Variants in SYT1 observed in about 807,000 individuals in gnomAD.
SYT1 encodes synaptotagmin-1.
A neutral mutation model predicts 44.8 loss-of-function variants in SYT1; 8 were observed. The ratio of observed to expected loss-of-function variants is 0.18; its 90% confidence interval spans 0.10 to 0.32. SYT1 has a LOEUF of 0.32. SYT1 is among the 10% of genes least tolerant of loss of function. The probability of loss-of-function intolerance (pLI) is 1.00; values close to 1 mark genes in which losing one functional copy is unlikely to be tolerated. For missense variants in SYT1, 286 were observed against 509.3 expected (o/e 0.56, Z 4.22); for synonymous variants, 154 against 188.8 (o/e 0.82, Z 1.51).
intron 3 of SYT1, among the ~76,000 whole-genome samples, chr12:79,142,338 T>A (rs184839019): frequency 2.0e-5 from 3 of 152,366 alleles, no homozygotes; most frequent in African/African-American, 7.2e-5. Flanking sequence ...GCTACAACTT[T>A]GCTACAACTT....
intron 2 of SYT1, among the ~76,000 whole-genome samples, chr12:78,997,591 T>C (rs1231580802): frequency 6.6e-6 from 1 of 152,162 alleles, no homozygotes; most frequent in East Asian, 1.9e-4. Context: ...ACTGAGGGTA[T>C]CTTCTGCCCT....
intron 9 of SYT1, among the ~76,000 whole-genome samples, chr12:79,440,823 A>G (rs1870366285): frequency 6.6e-6 from 1 of 152,188 alleles, no homozygotes; most frequent in Admixed American, 6.5e-5. Context: ...ACTCATAGGC[A>G]GGTGTATTTC....
At chr12:79,149,929 C>T (rs1429118292) in intron 3 of SYT1, among the ~76,000 whole-genome samples, 1 of 152,116 alleles carries the variant, frequency 6.6e-6, no homozygotes, top group Non-Finnish European at 1.5e-5. Context: ...TACATACTCA[C>T]TGAAGAAATA....
intron 3 of SYT1, among the ~76,000 whole-genome samples, chr12:79,115,084 T>C (rs1394752605): frequency 6.6e-6 from 1 of 152,180 alleles, no homozygotes; most frequent in African/African-American, 2.4e-5. Flanking sequence ...CCTCATAAAA[T>C]AGTAAATTAT....
chr12:79,217,902 A>T (rs1874913682), intron 4 of SYT1, among the ~76,000 whole-genome samples: 1 of 14,136 alleles, frequency 7.1e-5, no homozygotes, highest in African/African-American at 5.1e-4. Flanking sequence ...CAGTTTACAA[A>T]AAAAAAAAAG....
chr12:79,266,580 G>T (rs930348822), intron 4 of SYT1, among the ~76,000 whole-genome samples: 1 of 152,118 alleles, frequency 6.6e-6, no homozygotes, highest in Admixed American at 6.6e-5. Flanking sequence ...TGAAGAAAAA[G>T]TAACTGTGTA....
chr12:78,994,019 G>A (rs907545850), intron 2 of SYT1, among the ~76,000 whole-genome samples: 1 of 152,164 alleles, frequency 6.6e-6, no homozygotes, highest in Non-Finnish European at 1.5e-5. Flanking sequence ...TGTTTCCATT[G>A]CCTACAAAGT....
rs989712769 is a variant in SYT1 at position 79,386,330 on chromosome 12, A to G, written c.928+32711A>G. On this transcript the variant is annotated intron_variant, in intron 9 of 10. Coordinates refer to ENST00000261205, the MANE Select transcript of SYT1 (RefSeq NM_005639.3). Reference sequence around the variant, plus strand: ...TTTGGGTTTTTTTTTTTCCTTCCTTAGTATTCATTAGTTTTCTTTTTTCTT... The same window carrying G: ...TTTGGGTTTTTTTTTTTCCTTCCTTGGTATTCATTAGTTTTCTTTTTTCTT... Among the ~76,000 whole-genome samples the G allele has an allele frequency of 2.0e-5, 3 of 149,226 alleles. No individual in the cohort carries two copies. The East Asian group carries it at 5.9e-4, about 29-fold the overall frequency.
intron 1 of SYT1, among the ~76,000 whole-genome samples, chr12:78,885,839 C>A (rs1356651786): frequency 6.6e-6 from 1 of 151,938 alleles, no homozygotes; most frequent in Non-Finnish European, 1.5e-5. Context: ...ATAAAATATT[C>A]TTGCTAGAAT....
intron 1 of SYT1, among the ~76,000 whole-genome samples, chr12:78,932,952 A>T (rs1422823315): frequency 6.6e-6 from 1 of 152,196 alleles, no homozygotes; most frequent in Admixed American, 6.5e-5. Flanking sequence ...CAAAAAAACT[A>T]AGTTCTAAAA....
chr12:78,873,343 T>C (rs1161536442), intron 1 of SYT1, among the ~76,000 whole-genome samples: 1 of 151,750 alleles, frequency 6.6e-6, no homozygotes, highest in African/African-American at 2.4e-5. Flanking sequence ...AGATACATAG[T>C]CTTTATTTAT....
intron 8 of SYT1, among the ~76,000 whole-genome samples, chr12:79,304,373 C>CTCTGAATG (rs1880290928): frequency 6.6e-6 from 1 of 152,164 alleles, no homozygotes; most frequent in Admixed American, 6.5e-5. Context: ...AATGTCCTAG[C>CTCTGAATG]TCTGAATGCT....
intron 2 of SYT1, among the ~76,000 whole-genome samples, chr12:78,990,569 C>T (rs989282012): frequency 2.0e-5 from 3 of 152,096 alleles, no homozygotes; most frequent in Admixed American, 6.6e-5. Flanking sequence ...CCATATCACA[C>T]GGTATTGTGA....
intron 3 of SYT1, among the ~76,000 whole-genome samples, chr12:79,100,868 TTA>T (rs1312071779): frequency 3.3e-5 from 5 of 152,156 alleles, no homozygotes; most frequent in African/African-American, 1.2e-4. Context: ...GGTTTAATCC[TTA>T]TATGTAAATT....
intron 1 of SYT1, among the ~76,000 whole-genome samples, chr12:78,866,354 C>T (rs922418500): frequency 2.0e-5 from 3 of 152,176 alleles, no homozygotes; most frequent in Admixed American, 6.5e-5. Flanking sequence ...GACAAGAATC[C>T]TCCTGTACTG....
intron 3 of SYT1, among the ~76,000 whole-genome samples, chr12:79,213,919 C>G (rs1233519758): frequency 6.6e-6 from 1 of 152,016 alleles, no homozygotes; most frequent in Non-Finnish European, 1.5e-5. Context: ...GATACTGTGT[C>G]TCAAAAAAAT....
chr12:79,156,741 A>G (rs544921640), intron 3 of SYT1, among the ~76,000 whole-genome samples: 2 of 152,292 alleles, frequency 1.3e-5, no homozygotes, highest in Non-Finnish European at 2.9e-5. Flanking sequence ...TACTGGGATT[A>G]CAGGCGTGAG....
intron 1 of SYT1, among the ~76,000 whole-genome samples, chr12:78,948,453 T>A (rs1169970003): frequency 2.0e-5 from 3 of 152,030 alleles, no homozygotes; most frequent in African/African-American, 7.2e-5. Flanking sequence ...GAAAATATAC[T>A]ATTATTAGTG....
At chr12:78,878,798 C>A (rs1036012640) in intron 1 of SYT1, among the ~76,000 whole-genome samples, 1 of 151,670 alleles carries the variant, frequency 6.6e-6, no homozygotes, top group Non-Finnish European at 1.5e-5. Context: ...ATAGCCATTG[C>A]GGATCAGAGT....
Sources: allele counts gnomAD v4.1 joint callset (sites outside exome capture counted in the v4.1 genomes callset), GRCh38; gene constraint gnomAD v4.1.1; transcripts MANE v1.5; gene names NCBI Gene and HGNC (gene_info 2026-07-23, HGNC 2026-07-21).